Variants in SUPV3L1 observed in about 807,000 individuals in gnomAD.
SUPV3L1 encodes the protein Suv3 like RNA helicase, also known as ATP-dependent RNA helicase SUPV3L1, mitochondrial.
A neutral mutation model predicts 70.0 loss-of-function variants in SUPV3L1; 35 were observed. The ratio of observed to expected loss-of-function variants is 0.50; its 90% CI spans 0.38 to 0.66. SUPV3L1 has a LOEUF of 0.66. Among genes scored for constraint, SUPV3L1 ranks in the 30% least tolerant of loss-of-function variants. SUPV3L1 has a pLI of 0.00. For missense variants in SUPV3L1, 777 were observed against 961.5 expected (o/e 0.81, Z 2.54); for synonymous variants, 364 against 341.9 (o/e 1.06, Z -0.71).
chr10:69,189,644 T>TTG (rs1468058779), intron 5 of SUPV3L1, among the ~76,000 whole-genome samples: 13 of 110,734 alleles, frequency 1.2e-4, no homozygotes, highest in Admixed American at 7.3e-4. Flanking sequence ...ATGCTATCAA[T>TTG]TCTTTTTTTT....
intron 7 of SUPV3L1, among the ~76,000 whole-genome samples, chr10:69,196,383 C>A (rs1842542936): frequency 6.6e-6 from 1 of 151,948 alleles, no homozygotes. Context: ...CCCAGCTACT[C>A]CAGAGGCTGA....
At chr10:69,207,628 A>C in intron 13 of SUPV3L1, 165 bp from the exon 14 acceptor site, 1 of 822,722 alleles carries the variant, frequency 1.2e-6, no homozygotes, top group East Asian at 2.7e-5. Flanking sequence ...ATAAAGTATT[A>C]AATGTTCTTT....
chr10:69,205,451 T>C (rs572297652), intron 13 of SUPV3L1, among the ~76,000 whole-genome samples: 1 of 152,334 alleles, frequency 6.6e-6, no homozygotes, highest in South Asian at 2.1e-4. Flanking sequence ...CATAGCTCAC[T>C]GTAACCCCAA....
At position 69,180,376 on chromosome 10, in the gene SUPV3L1, C is replaced by A. The variant is rs780188458; in HGVS notation, c.85C>A (p.Arg29Ser). 11 of 1,614,260 alleles carry A rather than the reference C, an allele frequency of 6.8e-6. No homozygotes were observed. In the East Asian group the frequency reaches 2.5e-4, roughly 36 times the overall value. ...CCGGGCAGCCATCTGCTCTGCCCTT[C>A]GTCCCCACTTTGGGCCCTTTCCCGG... is the stretch of plus-strand genomic sequence containing the variant. ...GHRAAICSAL[R>S]PHFGPFPGVL... The change falls in exon 1 of 15, where the codon CGT becomes AGT. Residue 29 changes from arginine (R) to serine (S), a missense_variant. Around this residue, in one of 2 missense-constraint regions of SUPV3L1, gnomAD observed 158 missense variants for 138.3 expected, o/e 1.14. Transcript: ENST00000359655.
intron 1 of SUPV3L1, chr10:69,182,666 T>C: frequency 2.0e-6 from 2 of 985,408 alleles, no homozygotes; most frequent in Non-Finnish European, 2.4e-6. Flanking sequence ...TGATTTTTCA[T>C]CTCCTTTGAC....
chr10:69,186,356 A>AAAC, intron 2 of SUPV3L1, 87 bp from the exon 3 acceptor site: 1 of 835,482 alleles, frequency 1.2e-6, no homozygotes, highest in Admixed American at 2.5e-5. Context: ...AAAAAAAAAG[A>AAAC]CTCTTTGATG....
chr10:69,196,871 A>G, intron 7 of SUPV3L1, 121 bp from the exon 8 acceptor site: 4 of 752,908 alleles, frequency 5.3e-6, no homozygotes, highest in Non-Finnish European at 6.5e-6. Flanking sequence ...AATATTTTTG[A>G]AAATACTTGG....
At position 69,209,008 on chromosome 10, in the gene SUPV3L1, AAAG is replaced by A. The variant is rs772553407; in HGVS notation, c.2341_2343del (p.Lys781del). 6.4e-6 allele frequency: 10 copies of A among 1,567,516 alleles called. No individual in the cohort carries two copies. The highest frequency in any genetic ancestry group is 1.2e-5 in the South Asian group (1 of 83,804). On this transcript the variant is annotated inframe_deletion, in exon 15 of 15. Transcript: ENST00000359655. ...GGACTCATCCAAAAGGGACGAGAAG[AAAG>A]AAGAAGGAACCTGATTCGGACTAGT... is the stretch of plus-strand genomic sequence containing the variant.
chr10:69,203,797 C>G (rs974230489), intron 13 of SUPV3L1, among the ~76,000 whole-genome samples: 4 of 151,958 alleles, frequency 2.6e-5, no homozygotes, highest in Non-Finnish European at 4.4e-5. Context: ...GCAATCACAG[C>G]TCACTGCAAC....
intron 4 of SUPV3L1, among the ~76,000 whole-genome samples, chr10:69,188,391 C>T (rs959786101): frequency 2.6e-5 from 4 of 152,178 alleles, no homozygotes; most frequent in African/African-American, 7.2e-5. Context: ...GGGTGCAGTA[C>T]GGCTCATCCC....
rs550433451 is a variant in SUPV3L1, at chr10:69,200,112, G to C, written c.1299-168G>C. On this transcript the variant is annotated intron_variant, in intron 10 of 14. Coordinates refer to ENST00000359655, the MANE Select transcript of SUPV3L1 (RefSeq NM_003171.5). ...TCCTCCTGCCTCAGCCTCCCAAAGT[G>C]CTGGGATTATGGGTGTGAGCCACTG... is the stretch of plus-strand genomic sequence containing the variant. Among the ~76,000 whole-genome samples, 13 of 152,266 alleles carry C rather than the reference G, an allele frequency of 8.5e-5. No homozygotes were observed. The East Asian group carries it at 2.5e-3, about 29-fold the overall frequency.
At chr10:69,199,890 G>A (rs1842640173) in intron 10 of SUPV3L1, among the ~76,000 whole-genome samples, 2 of 151,946 alleles carry the variant, frequency 1.3e-5, no homozygotes, top group Non-Finnish European at 2.9e-5. Context: ...TGTGCCCCAC[G>A]CCGGAGTACA....
chr10:69,187,039 C>T (rs1842249808), intron 3 of SUPV3L1, among the ~76,000 whole-genome samples: 2 of 152,194 alleles, frequency 1.3e-5, no homozygotes, highest in Non-Finnish European at 2.9e-5. Context: ...CTCAGAGCCA[C>T]TAAGATGTGG....
intron 12 of SUPV3L1, 25 bp downstream of exon 12, chr10:69,202,544 C>A: frequency 1.3e-6 from 2 of 1,599,590 alleles, no homozygotes; most frequent in Non-Finnish European, 1.7e-6. Flanking sequence ...CCTTTCACAT[C>A]TCCCCTAAAA....
chr10:69,180,272 G>T lies in SUPV3L1; in HGVS notation c.-20G>T, dbSNP rs1326375280. ...GCCGTGTCCGCGGCTGCGCCAGACA[G>T]TGTAGAACCTGCGGCCTCGATGTCC... On this transcript the variant is annotated 5_prime_UTR_variant, in exon 1 of 15. Coordinates refer to ENST00000359655, the MANE Select transcript of SUPV3L1 (RefSeq NM_003171.5). 12 of 1,611,082 alleles carry T rather than the reference G, an allele frequency of 7.4e-6. No individual in the cohort carries two copies. The highest frequency in any genetic ancestry group is 1.0e-5 in the Non-Finnish European group (12 of 1,179,040).
chr10:69,199,162 G>A lies in SUPV3L1; in HGVS notation c.1263G>A (p.Leu421=), dbSNP rs377023451. Residue 421 remains leucine, a synonymous_variant, in exon 10 of 15, where the codon TTG becomes TTA. Transcript: ENST00000359655. ...ATCCCAATGACCCATGCAAAATCTT[G>A]GTTGCTACAGATGCAATTGGCATGG... The part of the protein sequence containing the change: ...FNDPNDPCKI[L]VATDAIGMGL... 5 of 1,612,120 alleles carry A rather than the reference G, an allele frequency of 3.1e-6. No homozygotes were observed. The highest frequency in any genetic ancestry group is 3.4e-6 in the Non-Finnish European group (4 of 1,179,438).
intron 1 of SUPV3L1, 130 bp from the exon 2 acceptor site, chr10:69,185,845 AAGAAGGATCGAC>A (rs1842210273): frequency 1.4e-6 from 1 of 728,182 alleles, no homozygotes; most frequent in South Asian, 1.5e-5. Context: ...TGAATTCATA[AAGAAGGATCGAC>A]TAAAACCTTC....
At chr10:69,182,490 C>T (rs1262422273) in intron 1 of SUPV3L1, 2 of 983,294 alleles carry the variant, frequency 2.0e-6, no homozygotes, top group African/African-American at 3.5e-5. Flanking sequence ...TTATTGTATT[C>T]AAATATTGAT....
intron 9 of SUPV3L1, among the ~76,000 whole-genome samples, chr10:69,198,892 G>A (rs1226397036): frequency 6.6e-6 from 1 of 152,136 alleles, no homozygotes; most frequent in East Asian, 1.9e-4. Context: ...CTAGTGTGGT[G>A]GGGGATTGTG....
Sources: gnomAD v4.1 joint callset for allele counts (sites outside exome capture counted in the v4.1 genomes callset) on GRCh38, gnomAD v4.1.1 for gene constraint, gnomAD v4.1.1 regional missense constraint, MANE v1.5 for transcripts, NCBI Gene and HGNC (gene_info 2026-07-23, HGNC 2026-07-21) for gene names.